The following FNDC3A variants were observed in gnomAD, a reference collection of about 807,000 sequenced individuals.
FNDC3A encodes the protein fibronectin type-III domain-containing protein 3A.
FNDC3A carries 32 observed loss-of-function variants against 148.9 expected under a neutral mutation model. The observed-to-expected ratio is 0.21, with a 90% CI of 0.16 to 0.29. FNDC3A has a LOEUF of 0.29. Among genes scored for constraint, FNDC3A ranks in the 10% least tolerant of loss-of-function variants. The pLI is 1.00. For missense variants in FNDC3A, 1,191 were observed against 1,452.8 expected, an observed-to-expected ratio of 0.82 and a Z score of 2.93; for synonymous variants, 472 against 473.6, an observed-to-expected ratio of 1.00 and a Z score of 0.04.
chr13:49,177,064 CTGAGATT>C (rs1479797725), intron 13 of FNDC3A, among the ~76,000 whole-genome samples: 37 of 152,194 alleles, frequency 2.4e-4, no homozygotes, highest in African/African-American at 8.9e-4. Context: ...TCCCAAAGTG[CTGAGATT>C]ACAGACTTGA....
chr13:49,190,786 A>G (rs1408500505), intron 17 of FNDC3A, among the ~76,000 whole-genome samples: 1 of 152,188 alleles, frequency 6.6e-6, no homozygotes, highest in Non-Finnish European at 1.5e-5. Flanking sequence ...CTTGCTTTGT[A>G]TATAGTAGTT....
At chr13:49,102,452 A>T (rs965807025) in intron 3 of FNDC3A, among the ~76,000 whole-genome samples, 2 of 152,174 alleles carry the variant, frequency 1.3e-5, no homozygotes, top group Non-Finnish European at 2.9e-5. Context: ...TGGGTTTTCC[A>T]TCCAAATGTC....
intron 2 of FNDC3A, among the ~76,000 whole-genome samples, chr13:49,013,608 A>G (rs1952415814): frequency 6.6e-6 from 1 of 151,724 alleles, no homozygotes; most frequent in South Asian, 2.1e-4. Context: ...GTACACGTGT[A>G]TACATGTGTA....
intron 2 of FNDC3A, among the ~76,000 whole-genome samples, chr13:49,074,616 C>CT (rs915069237): frequency 2.2e-4 from 33 of 151,790 alleles, no homozygotes; most frequent in African/African-American, 6.0e-4. Flanking sequence ...ACTTGAAAGT[C>CT]TTTTTTTTAA....
At chr13:48,992,542 C>A (rs564480237) in intron 1 of FNDC3A, among the ~76,000 whole-genome samples, 176 of 152,192 alleles carry the variant, frequency 1.2e-3, no homozygotes, top group African/African-American at 4.1e-3. Context: ...AAAACAACAT[C>A]ATTGTTCATG....
At chr13:49,078,626 G>A (rs79307104) in intron 3 of FNDC3A, among the ~76,000 whole-genome samples, 5,523 of 152,234 alleles carry the variant, frequency 0.036, 153 homozygotes, top group Non-Finnish European at 0.052. Context: ...AAGGGAACTG[G>A]GGTTGAAGTC....
chr13:49,033,648 C>G (rs1874287841), intron 2 of FNDC3A, among the ~76,000 whole-genome samples: 1 of 151,672 alleles, frequency 6.6e-6, no homozygotes, highest in Admixed American at 6.6e-5. Flanking sequence ...GAAAAAAAAT[C>G]AGAGAATGCA....
intron 2 of FNDC3A, among the ~76,000 whole-genome samples, chr13:49,025,736 GA>G (rs201628253): frequency 1.6e-4 from 24 of 150,690 alleles, no homozygotes; most frequent in South Asian, 2.1e-4. Context: ...ATGTTCTAAA[GA>G]AAAAAAAATG....
At chr13:49,158,130 C>T (rs1054321182) in intron 8 of FNDC3A, among the ~76,000 whole-genome samples, 1 of 152,204 alleles carries the variant, frequency 6.6e-6, no homozygotes, top group African/African-American at 2.4e-5. Flanking sequence ...CTCGCTGTCG[C>T]CTTGCAGTTT....
At chr13:48,999,913 C>T (rs1952094559) in intron 1 of FNDC3A, among the ~76,000 whole-genome samples, 1 of 152,184 alleles carries the variant, frequency 6.6e-6, no homozygotes, top group African/African-American at 2.4e-5. Flanking sequence ...TTAAACTTCC[C>T]AGCCTCCAGA....
intron 2 of FNDC3A, among the ~76,000 whole-genome samples, chr13:49,023,419 G>A (rs1021202813): frequency 2.6e-5 from 4 of 151,436 alleles, no homozygotes; most frequent in African/African-American, 7.2e-5. Context: ...ATATTTTGTA[G>A]CGTTTTTATA....
intron 25 of FNDC3A, among the ~76,000 whole-genome samples, chr13:49,206,715 T>C (rs1294078586): frequency 6.6e-6 from 1 of 152,196 alleles, no homozygotes; most frequent in Non-Finnish European, 1.5e-5. Context: ...GAAGCAAAAG[T>C]AGACACTATC....
Position 49,131,374 on chromosome 13 carries a change from G to C in FNDC3A, c.490G>C (p.Asp164His). ...YQSSQVYGDV[D>H]AHSTHGRSNF... is the part of the protein sequence containing the mutation. The stretch of plus-strand genomic sequence containing the variant: ...GTCTTCACAAGTCTATGGAGATGTA[G>C]GTAAGACATCTAAAAGTATTCCACT... Residue 164 changes from aspartate to histidine, a missense_variant and splice_region_variant, in exon 5 of 26, where the codon GAT becomes CAT. Transcript: ENST00000492622. 6.3e-7 allele frequency: 1 copy of C among 1,579,118 alleles called. No individual in the cohort carries two copies. The highest frequency in any genetic ancestry group is 8.7e-7 in the Non-Finnish European group (1 of 1,148,134).
intron 2 of FNDC3A, among the ~76,000 whole-genome samples, chr13:49,038,902 T>C (rs76793741): frequency 6.6e-6 from 1 of 152,198 alleles, no homozygotes; most frequent in Non-Finnish European, 1.5e-5. Flanking sequence ...GATTTTTTTT[T>C]GCAAAAATAT....
intron 15 of FNDC3A, 64 bp downstream of exon 15, chr13:49,186,166 A>G: frequency 1.5e-6 from 2 of 1,343,032 alleles, no homozygotes; most frequent in Non-Finnish European, 2.1e-6. Context: ...TTTGAATATG[A>G]AGATAATTTT....
At chr13:49,197,925 T>C (rs778735452) in intron 21 of FNDC3A, 51 bp downstream of exon 21, 1 of 1,588,718 alleles carries the variant, frequency 6.3e-7, no homozygotes, top group Non-Finnish European at 8.5e-7. Context: ...GTTTTATATT[T>C]CATTGGCATT....
intron 1 of FNDC3A, among the ~76,000 whole-genome samples, chr13:49,004,252 A>T (rs1352135303): frequency 1.3e-5 from 2 of 152,128 alleles, no homozygotes; most frequent in Non-Finnish European, 2.9e-5. Context: ...CTACACAAGG[A>T]AAGAAAGGAA....
intron 3 of FNDC3A, among the ~76,000 whole-genome samples, chr13:49,102,425 T>C (rs1027492808): frequency 6.6e-6 from 1 of 152,212 alleles, no homozygotes; most frequent in African/African-American, 2.4e-5. Flanking sequence ...TAGCAGATAC[T>C]TAGGGCATAA....
At chr13:49,038,124 G>A (rs1874638693) in intron 2 of FNDC3A, among the ~76,000 whole-genome samples, 1 of 152,156 alleles carries the variant, frequency 6.6e-6, no homozygotes, top group Admixed American at 6.5e-5. Flanking sequence ...AACTCTTGGT[G>A]TTCAGGCGCT....
Sources: allele counts gnomAD v4.1 joint callset (sites outside exome capture counted in the v4.1 genomes callset), GRCh38; gene constraint gnomAD v4.1.1; transcripts MANE v1.5; gene names NCBI Gene and HGNC (gene_info 2026-07-23, HGNC 2026-07-21).